The following PUM2 variants were observed in gnomAD, a reference collection of about 807,000 sequenced individuals.
PUM2 encodes the protein pumilio RNA binding family member 2, also known as pumilio homolog 2.
PUM2 carries 57 observed loss-of-function variants against 124.5 expected under a neutral mutation model. The observed-to-expected ratio is 0.46, with a 90% CI of 0.37 to 0.57. PUM2 has a LOEUF of 0.57. PUM2 is among the 20% of genes least tolerant of loss of function. PUM2 has a pLI of 0.00. For synonymous variants in PUM2, 460 were observed against 446.1 expected, an observed-to-expected ratio of 1.03 and a Z score of -0.39; for missense variants, 1,065 against 1,290.6, an observed-to-expected ratio of 0.83 and a Z score of 2.68.
intron 2 of PUM2, among the ~76,000 whole-genome samples, chr2:20,319,363 T>C (rs1018198809): frequency 1.3e-5 from 2 of 152,226 alleles, no homozygotes; most frequent in African/African-American, 4.8e-5. Context: ...GATATGTTTG[T>C]TTGAGAAGAA....
At position 20,350,837 on chromosome 2, in the gene PUM2, C is replaced by T. The variant is rs1209143679; in HGVS notation, c.-259G>A. ...CAACATGGCTGCCACCGCCGCCTGC[C>T]CTCCCCTCCCCCCCGCCCACCGGGC... On this transcript the variant is annotated 5_prime_UTR_variant, in exon 1 of 21. Transcript: ENST00000361078. The T allele has an allele frequency of 1.0e-5, 10 of 970,482 alleles. No homozygotes were observed. Among genetic ancestry groups the T allele is most frequent in the Non-Finnish European group, 1.1e-5 (9 of 816,790 alleles). 60.1% of individuals were successfully genotyped at this position (970,482 alleles called of 1,614,324 possible). A position where few individuals can be genotyped will look rare whatever the true frequency, so the allele number is the denominator to read the frequency against.
chr2:20,309,616 G>A (rs1190777670), intron 5 of PUM2, among the ~76,000 whole-genome samples: 1 of 151,912 alleles, frequency 6.6e-6, no homozygotes, highest in Non-Finnish European at 1.5e-5. Flanking sequence ...GTTTTATATA[G>A]GATCCTTTCC....
At chr2:20,290,008 AT>A (rs778338823) in intron 10 of PUM2, among the ~76,000 whole-genome samples, 3 of 151,960 alleles carry the variant, frequency 2.0e-5, no homozygotes, top group Admixed American at 1.3e-4. Context: ...CAAATGCTGC[AT>A]TTTTTTTACT....
chr2:20,320,872 T>C (rs985224171), intron 2 of PUM2, among the ~76,000 whole-genome samples: 3 of 152,126 alleles, frequency 2.0e-5, no homozygotes, highest in African/African-American at 7.2e-5. Flanking sequence ...TTAAAAATAC[T>C]GTATAAGCCA....
At chr2:20,308,230 C>A in intron 6 of PUM2, 84 bp downstream of exon 6, 1 of 1,510,326 alleles carries the variant, frequency 6.6e-7, no homozygotes, top group Non-Finnish European at 9.0e-7. Context: ...AAACCCCTAC[C>A]ATTCTTTTCA....
chr2:20,260,563 A>AT, intron 14 of PUM2, 97 bp from the exon 15 acceptor site: 2 of 1,092,074 alleles, frequency 1.8e-6, no homozygotes, highest in South Asian at 3.8e-5. Flanking sequence ...AGTTATTTCC[A>AT]TAAATATTAC....
chr2:20,315,859 C>A (rs10167183), intron 3 of PUM2, among the ~76,000 whole-genome samples: 8,100 of 93,062 alleles, frequency 0.087, 346 homozygotes, highest in African/African-American at 0.17. Flanking sequence ...AAAAAAAAAA[C>A]AAACCAAAAA....
intron 1 of PUM2, among the ~76,000 whole-genome samples, chr2:20,348,153 C>T (rs2149173191): frequency 6.6e-6 from 1 of 150,966 alleles, no homozygotes; most frequent in Non-Finnish European, 1.5e-5. Context: ...CAAGACCTCA[C>T]CTATATTAAA....
chr2:20,253,761 GT>G, intron 20 of PUM2, 60 bp downstream of exon 20: 1 of 1,438,774 alleles, frequency 7.0e-7, no homozygotes, highest in Non-Finnish European at 9.4e-7. Context: ...GCCCAAGGAG[GT>G]TAAATGTGTA....
chr2:20,253,897 G>A lies in PUM2; in HGVS notation c.2988C>T (p.Asp996=), dbSNP rs1664113328. ...PHSALYTMMK[D]QYANYVVQKM... The stretch of plus-strand genomic sequence containing the variant: ...TTTGAACCACGTAATTGGCATACTG[G>A]TCCTTCATCATGGTGTATAAGGCAC... Residue 996 remains aspartate (D), a synonymous_variant, in exon 20 of 21, where the codon GAC becomes GAT. Coordinates refer to ENST00000361078, the MANE Select transcript of PUM2 (RefSeq NM_015317.5). The A allele has an allele frequency of 1.2e-6, 2 of 1,613,958 alleles. No homozygotes were observed. The highest frequency in any genetic ancestry group is 1.7e-6 in the Non-Finnish European group (2 of 1,179,912).
chr2:20,311,548 T>C lies in PUM2; in HGVS notation c.464A>G (p.Lys155Arg). 6.2e-7 allele frequency: 1 copy of C among 1,613,350 alleles called. No individual in the cohort carries two copies. The highest frequency in any genetic ancestry group is 8.5e-7 in the Non-Finnish European group (1 of 1,179,610). Residue 155 changes from lysine to arginine, a missense_variant, in exon 5 of 21, where the codon AAA becomes AGA. Physicochemically the swap from Lys to Arg is conservative, Grantham distance 26. Around this residue, in one of 3 missense-constraint regions of PUM2, gnomAD observed 968 missense variants for 1,159.8 expected, o/e 0.83. Transcript: ENST00000361078. ...ATTTGGCAAACCTCTGCCATTTATT[T>C]TAGAATCATCATCATCTCCTTGTTT... Reference protein sequence around the residue: ...DLKQGDDDDSKINGRGLPNGM... With the variant: ...DLKQGDDDDSRINGRGLPNGM...
Position 20,350,670 on chromosome 2 carries a change from T to G in PUM2, c.-92A>C. 1.0e-6 allele frequency: 1 copy of G among 985,046 alleles called. No individual in the cohort carries two copies. The allele number at this position is 985,046 out of a possible 1,614,324, so 61.0% of individuals were successfully genotyped here. On this transcript the variant is annotated 5_prime_UTR_variant, in exon 1 of 21. Coordinates refer to ENST00000361078, the MANE Select transcript of PUM2 (RefSeq NM_015317.5). Reference sequence around the variant, plus strand: ...CACACGGCGGCGTCGCTCTTGGCGGTCCTCCCCCTCCTCCGCCTTCGGTGG... The same window carrying G: ...CACACGGCGGCGTCGCTCTTGGCGGGCCTCCCCCTCCTCCGCCTTCGGTGG...
rs76280474 is a variant in PUM2, at chr2:20,286,896, A to T, written c.1292-3410T>A. On this transcript the variant is annotated intron_variant, in intron 10 of 20. Coordinates refer to ENST00000361078, the MANE Select transcript of PUM2 (RefSeq NM_015317.5). ...ATTTCCATTCTTTTTGTCTATGGCC[A>T]TACAACCCTGATCGTGCCTGATCTC... 5.8e-3 allele frequency among the ~76,000 whole-genome samples: 880 copies of T among 152,224 alleles called. 8 individuals carry two copies. Among genetic ancestry groups the T allele is most frequent in the African/African-American group, 0.02 (832 of 41,524 alleles).
rs529809024 is a variant in PUM2 at position 20,250,515 on chromosome 2, T to C, written c.*1070A>G. The C allele has an allele frequency of 1.9e-4, 29 of 152,510 alleles. No homozygotes were observed. Among genetic ancestry groups the C allele is most frequent in the Admixed American group, 3.9e-4 (6 of 15,296 alleles). 9.4% of individuals were successfully genotyped at this position (152,510 alleles called of 1,614,324 possible). A position where few individuals can be genotyped will look rare whatever the true frequency, so the allele number is the denominator to read the frequency against. ...ATTAGCAAGGCTTTTATAATAAACA[T>C]TGAAACAAGATTTCCTTTCAAAGTG... is the stretch of plus-strand genomic sequence containing the variant. On this transcript the variant is annotated 3_prime_UTR_variant, in exon 21 of 21. Coordinates refer to ENST00000361078, the MANE Select transcript of PUM2 (RefSeq NM_015317.5).
At position 20,326,133 on chromosome 2, in the gene PUM2, A is replaced by G. The variant is rs547061950; in HGVS notation, c.51+1177T>C. ...CCTAACCAGATATTGCACTGCAGTGAAGCTACAGATTTTGTTTACAAAAAA... is the reference window on the plus strand; with the variant it reads ...CCTAACCAGATATTGCACTGCAGTGGAGCTACAGATTTTGTTTACAAAAAA... On this transcript the variant is annotated intron_variant, in intron 2 of 20. Coordinates refer to ENST00000361078, the MANE Select transcript of PUM2 (RefSeq NM_015317.5). 2.7e-5 allele frequency: 21 copies of G among 790,896 alleles called. No homozygotes were observed. The African/African-American group carries it at 3.8e-4, about 14-fold the overall frequency. The allele number at this position is 790,896 out of a possible 1,614,324, so 49.0% of individuals were successfully genotyped here. A position where few individuals can be genotyped will look rare whatever the true frequency, so the allele number is the denominator to read the frequency against.
chr2:20,297,133 A>G (rs1294733225), intron 8 of PUM2, among the ~76,000 whole-genome samples: 2 of 152,284 alleles, frequency 1.3e-5, no homozygotes, highest in Non-Finnish European at 2.9e-5. Context: ...TTTTAGATAC[A>G]TATTTTCTCA....
intron 2 of PUM2, among the ~76,000 whole-genome samples, chr2:20,324,055 C>A (rs1683078617): frequency 1.3e-5 from 2 of 151,874 alleles, no homozygotes; most frequent in Non-Finnish European, 2.9e-5. Flanking sequence ...TAGAGATTAT[C>A]TAGACAAACT....
At chr2:20,348,509 G>A (rs1247420744) in intron 1 of PUM2, among the ~76,000 whole-genome samples, 1 of 152,210 alleles carries the variant, frequency 6.6e-6, no homozygotes, top group Non-Finnish European at 1.5e-5. Flanking sequence ...ATAAAAAGGA[G>A]ACAGCTTGGT....
intron 2 of PUM2, among the ~76,000 whole-genome samples, chr2:20,323,480 A>T (rs1222696099): frequency 4.0e-5 from 6 of 151,736 alleles, no homozygotes; most frequent in Admixed American, 3.3e-4. Flanking sequence ...GGCATATAGT[A>T]CACAGCAGAC....
Sources: gnomAD v4.1 joint callset for allele counts (sites outside exome capture counted in the v4.1 genomes callset) on GRCh38, gnomAD v4.1.1 for gene constraint, gnomAD v4.1.1 regional missense constraint, MANE v1.5 for transcripts, NCBI Gene and HGNC (gene_info 2026-07-23, HGNC 2026-07-21) for gene names.